Variants in MRAP2 observed in about 807,000 individuals in gnomAD.
MRAP2 encodes melanocortin 2 receptor accessory protein 2, also known as melanocortin-2 receptor accessory protein 2.
MRAP2 carries 20 observed loss-of-function variants against 17.4 expected under a neutral mutation model. The observed-to-expected ratio is 1.15, with a 90% CI of 0.81 to 1.67. The LOEUF is 1.67. MRAP2 is among the 40% of genes most tolerant of loss of function. The pLI is 0.00. For synonymous variants in MRAP2, 96 were observed against 88.4 expected (o/e 1.09, Z -0.48); for missense variants, 238 against 240.0 (o/e 0.99, Z 0.05).
the MRAP2 span, chr6:84,124,974 T>C: frequency 3.3e-6 from 3 of 922,330 alleles, no homozygotes; most frequent in Non-Finnish European, 5.0e-6. Flanking sequence ...TGGAAACATA[T>C]TGGAACACTT....
chr6:84,126,504 T>A, the MRAP2 span: 3 of 1,529,422 alleles, frequency 2.0e-6, no homozygotes, highest in East Asian at 2.4e-5. Flanking sequence ...CTTCTAAGAG[T>A]TTTGTAATCT....
At chr6:84,052,713 AG>A in intron 1 of MRAP2, 1 of 623,252 alleles carries the variant, frequency 1.6e-6, no homozygotes, top group Non-Finnish European at 2.0e-6. Context: ...AAGGCTACCC[AG>A]GCAACTGGTG....
At chr6:84,124,128 C>T in the MRAP2 span, 1 of 151,998 alleles carries the variant, frequency 6.6e-6, no homozygotes, top group Non-Finnish European at 1.5e-5. Flanking sequence ...TAAATTAATT[C>T]AGCCTCTATG....
chr6:84,038,332 A>G (rs554175061), intron 1 of MRAP2, among the ~76,000 whole-genome samples: 4 of 152,204 alleles, frequency 2.6e-5, no homozygotes, highest in Admixed American at 6.5e-5. Flanking sequence ...TGGTGGAGAA[A>G]TAGAAAAGAA....
chr6:84,049,275 CTT>C (rs1362983960), intron 1 of MRAP2, among the ~76,000 whole-genome samples: 3 of 151,938 alleles, frequency 2.0e-5, no homozygotes, highest in Admixed American at 1.3e-4. Flanking sequence ...AAGCACAAAA[CTT>C]AGCCAGGCAT....
Position 84,073,893 on chromosome 6 carries a change from T to G in MRAP2, c.227+10901T>G, listed in dbSNP as rs531197458. The stretch of plus-strand genomic sequence containing the variant: ...ATTTGTGTGTGTGTGTGTGTGTTTT[T>G]TTTTTTTTTTCTCATCAGCTATCAT... On this transcript the variant is annotated intron_variant, in intron 3 of 3. Transcript: ENST00000257776. Among the ~76,000 whole-genome samples the G allele has an allele frequency of 5.8e-3, 876 of 151,654 alleles. 4 individuals carry two copies. Among genetic ancestry groups the G allele is most frequent in the African/African-American group, 0.02 (842 of 41,280 alleles).
chr6:84,133,586 T>G, the MRAP2 span, among the ~76,000 whole-genome samples: 3 of 152,164 alleles, frequency 2.0e-5, no homozygotes, highest in Non-Finnish European at 2.9e-5. Context: ...CCCCCAGCCT[T>G]GCTGCTGCCT....
chr6:84,068,255 A>G (rs934077028), intron 3 of MRAP2, among the ~76,000 whole-genome samples: 1 of 152,102 alleles, frequency 6.6e-6, no homozygotes, highest in Non-Finnish European at 1.5e-5. Context: ...GTGCCCATTT[A>G]TATACTAGTA....
the MRAP2 span, among the ~76,000 whole-genome samples, chr6:84,120,433 A>C: frequency 2.0e-5 from 3 of 152,152 alleles, no homozygotes; most frequent in African/African-American, 7.2e-5. Context: ...CTGGAGCTTG[A>C]ATCTTTATAA....
the MRAP2 span, among the ~76,000 whole-genome samples, chr6:84,099,515 A>G: frequency 6.6e-6 from 1 of 152,144 alleles, no homozygotes; most frequent in African/African-American, 2.4e-5. Context: ...TTGGGTCATC[A>G]GGGCAGATTC....
In MRAP2 at chr6:84,072,597, G is replaced by C. The variant is rs190831313; in HGVS notation, c.227+9605G>C. ...TTTCCAGAGAGCATCAGCTGTGGTAGTTTGGGGAGGAACAGGTGGTGGGCA... is the reference window on the plus strand; with the variant it reads ...TTTCCAGAGAGCATCAGCTGTGGTACTTTGGGGAGGAACAGGTGGTGGGCA... On this transcript the variant is annotated intron_variant, in intron 3 of 3. Coordinates refer to ENST00000257776, the MANE Select transcript of MRAP2 (RefSeq NM_138409.4). 3.9e-5 allele frequency among the ~76,000 whole-genome samples: 6 copies of C among 152,332 alleles called. No homozygotes were observed. In the East Asian group the frequency reaches 1.2e-3, roughly 29 times the overall value.
At chr6:84,086,274 A>G (rs2099500422) in intron 3 of MRAP2, among the ~76,000 whole-genome samples, 1 of 152,232 alleles carries the variant, frequency 6.6e-6, no homozygotes, top group East Asian at 1.9e-4. Context: ...ATCCTTAGCT[A>G]CAAGGAACAA....
chr6:84,047,626 A>C (rs1055005230), intron 1 of MRAP2, among the ~76,000 whole-genome samples: 3 of 152,230 alleles, frequency 2.0e-5, no homozygotes, highest in Non-Finnish European at 4.4e-5. Context: ...CAACCATTAC[A>C]ACTATCCATT....
chr6:84,101,327 C>T, the MRAP2 span, among the ~76,000 whole-genome samples: 2 of 152,188 alleles, frequency 1.3e-5, no homozygotes, highest in Admixed American at 1.3e-4. Context: ...CATGGGAATA[C>T]GTGTAGCCTG....
the MRAP2 span, among the ~76,000 whole-genome samples, chr6:84,099,380 C>A: frequency 6.6e-6 from 1 of 151,962 alleles, no homozygotes; most frequent in Non-Finnish European, 1.5e-5. Flanking sequence ...TCATTCCACA[C>A]TTCTTGTTTA....
At chr6:84,129,339 C>G in the MRAP2 span, among the ~76,000 whole-genome samples, 1 of 152,186 alleles carries the variant, frequency 6.6e-6, no homozygotes, top group African/African-American at 2.4e-5. Context: ...TTCTCCGCAT[C>G]CTCTCCAGCA....
chr6:84,085,795 C>T (rs1436691619), intron 3 of MRAP2, among the ~76,000 whole-genome samples: 1 of 152,196 alleles, frequency 6.6e-6, no homozygotes, highest in Non-Finnish European at 1.5e-5. Context: ...CACAAGGACA[C>T]TTCTCAGGAA....
At chr6:84,076,383 C>T (rs1416321097) in intron 3 of MRAP2, among the ~76,000 whole-genome samples, 1 of 152,058 alleles carries the variant, frequency 6.6e-6, no homozygotes, top group African/African-American at 2.4e-5. Flanking sequence ...ACAACCATGC[C>T]CAGCTGAGTT....
chr6:84,045,373 C>G, intron 1 of MRAP2: 1 of 985,312 alleles, frequency 1.0e-6, no homozygotes, highest in Non-Finnish European at 1.2e-6. Flanking sequence ...GTAGGCAAGC[C>G]TGCCCCCAAG....
Sources: allele counts gnomAD v4.1 joint callset (sites outside exome capture counted in the v4.1 genomes callset), GRCh38; gene constraint gnomAD v4.1.1; transcripts MANE v1.5; gene names NCBI Gene and HGNC (gene_info 2026-07-23, HGNC 2026-07-21).